The following TRAPPC12 variants were observed in gnomAD, a reference collection of about 807,000 sequenced individuals.
The protein encoded by TRAPPC12 is TPR repeat protein 15.
Under a neutral mutation model 69.2 loss-of-function variants are expected in TRAPPC12, and 61 were observed. The observed-to-expected ratio is 0.88, with a 90% CI of 0.72 to 1.09. TRAPPC12 has a LOEUF of 1.09. Among genes scored for constraint, TRAPPC12 ranks in the 50% least tolerant of loss-of-function variants. The pLI, the probability that TRAPPC12 is intolerant of heterozygous loss-of-function variation, is 0.00. For synonymous variants in TRAPPC12, 469 were observed against 438.9 expected, an observed-to-expected ratio of 1.07 and a Z score of -0.86; for missense variants, 1,101 against 1,016.4, an observed-to-expected ratio of 1.08 and a Z score of -1.13.
At chr2:3,399,968 C>T (rs968197865) in intron 2 of TRAPPC12, among the ~76,000 whole-genome samples, 2 of 152,228 alleles carry the variant, frequency 1.3e-5, no homozygotes, top group African/African-American at 4.8e-5. Context: ...GCATCAGCTT[C>T]TCTGTGGCTG....
intron 5 of TRAPPC12, among the ~76,000 whole-genome samples, chr2:3,431,767 A>G (rs1404042075): frequency 6.6e-6 from 1 of 152,224 alleles, no homozygotes; most frequent in Non-Finnish European, 1.5e-5. Context: ...ACAATTGATG[A>G]ACCAGTATTG....
Position 3,387,610 on chromosome 2 carries a change from T to C in TRAPPC12, c.-4-10T>C. 1 of 1,514,606 alleles carries C rather than the reference T, an allele frequency of 6.6e-7. No homozygotes were observed. The highest frequency in any genetic ancestry group is 1.8e-4 in the Middle Eastern group (1 of 5,698). 93.8% of individuals were successfully genotyped at this position (1,514,606 alleles called of 1,614,324 possible). A position where few individuals can be genotyped will look rare whatever the true frequency, so the allele number is the denominator to read the frequency against. On this transcript the variant is annotated splice_polypyrimidine_tract_variant and intron_variant, in intron 1 of 11. Coordinates refer to ENST00000324266, the MANE Select transcript of TRAPPC12 (RefSeq NM_016030.6). ...ACGCTCAGGGGCCTTCTCTCTGTCT[T>C]TGCTTTCAGGGTCATGGAGGACGCT... is the stretch of plus-strand genomic sequence containing the variant.
chr2:3,388,544 C>T lies in TRAPPC12; in HGVS notation c.921C>T (p.Asn307=), dbSNP rs927866269. Residue 307 remains asparagine, a synonymous_variant, in exon 2 of 12, where the codon AAC becomes AAT. Coordinates refer to ENST00000324266, the MANE Select transcript of TRAPPC12 (RefSeq NM_016030.6). ...ALSMSEMDRR[N]DAWLPGEATR... Reference sequence around the variant, plus strand: ...GCATGAGCGAGATGGACCGGAGGAACGACGCCTGGCTTCCCGGCGAGGCTA... The same window carrying T: ...GCATGAGCGAGATGGACCGGAGGAATGACGCCTGGCTTCCCGGCGAGGCTA... The T allele has an allele frequency of 1.5e-5, 24 of 1,612,968 alleles. No homozygotes were observed. Among genetic ancestry groups the T allele is most frequent in the South Asian group, 2.2e-5 (2 of 91,038 alleles).
At chr2:3,463,503 C>T (rs1219479012) in intron 8 of TRAPPC12, among the ~76,000 whole-genome samples, 2 of 151,312 alleles carry the variant, frequency 1.3e-5, no homozygotes, top group Non-Finnish European at 1.5e-5. Flanking sequence ...TGGGAAGAGC[C>T]ATGCCTAAAG....
chr2:3,473,338 T>C (rs565951807), intron 9 of TRAPPC12, among the ~76,000 whole-genome samples: 1 of 152,364 alleles, frequency 6.6e-6, no homozygotes, highest in Non-Finnish European at 1.5e-5. Flanking sequence ...TTTATTCGTT[T>C]ATGTACATTA....
chr2:3,387,754 G>T lies in TRAPPC12; in HGVS notation c.131G>T (p.Gly44Val). 6.2e-7 allele frequency: 1 copy of T among 1,611,978 alleles called. No homozygotes were observed. Among genetic ancestry groups the T allele is most frequent in the Non-Finnish European group, 8.5e-7 (1 of 1,178,946 alleles). ...ATCGATCTTGGCGGAGATGAGTTTG[G>T]ATCCGAAGAGAACGAGACCGCATCG... ...ETIDLGGDEF[G>V]SEENETASEG... Residue 44 changes from glycine (G) to valine (V), a missense_variant, in exon 2 of 12, where the codon GGA (glycine) becomes GTA (valine). Gly to Val is a moderately radical substitution (Grantham distance 109, BLOSUM62 -3). Coordinates refer to ENST00000324266, the MANE Select transcript of TRAPPC12 (RefSeq NM_016030.6).
intron 1 of TRAPPC12, among the ~76,000 whole-genome samples, chr2:3,382,953 G>T (rs1456551618): frequency 2.0e-5 from 3 of 152,078 alleles, no homozygotes; most frequent in Non-Finnish European, 4.4e-5. Context: ...TAAAATAATA[G>T]AAATAACTTA....
chr2:3,435,227 T>C (rs1663690055), intron 5 of TRAPPC12, among the ~76,000 whole-genome samples: 1 of 152,128 alleles, frequency 6.6e-6, no homozygotes, highest in South Asian at 2.1e-4. Context: ...TTGGCCAGGC[T>C]GGTCTCTAAC....
At chr2:3,469,870 A>G (rs1383987605) in intron 9 of TRAPPC12, among the ~76,000 whole-genome samples, 6 of 152,244 alleles carry the variant, frequency 3.9e-5, no homozygotes, top group African/African-American at 1.2e-4. Flanking sequence ...ACATTGTAAC[A>G]TCTGAAGTCA....
intron 3 of TRAPPC12, among the ~76,000 whole-genome samples, chr2:3,409,658 G>C (rs1435048772): frequency 6.6e-6 from 1 of 150,718 alleles, no homozygotes; most frequent in African/African-American, 2.4e-5. Flanking sequence ...GCTGAGGTGG[G>C]AGGATTGCCA....
chr2:3,387,710 G>A lies in TRAPPC12; in HGVS notation c.87G>A (p.Leu29=), dbSNP rs765570879. 1 of 1,593,622 alleles carries A rather than the reference G, an allele frequency of 6.3e-7. No homozygotes were observed. Among genetic ancestry groups the A allele is most frequent in the Non-Finnish European group, 8.5e-7 (1 of 1,170,388 alleles). ...PQLAPPEEQG[L]LFQEETIDLG... is the part of the protein sequence containing the mutation. ...TCGCGCCTCCGGAGGAGCAGGGGTTGCTCTTCCAGGAGGAAACCATCGATC... is the reference window on the plus strand; with the variant it reads ...TCGCGCCTCCGGAGGAGCAGGGGTTACTCTTCCAGGAGGAAACCATCGATC... Residue 29 remains leucine (L), a synonymous_variant, in exon 2 of 12, where the codon TTG becomes TTA. Transcript: ENST00000324266.
chr2:3,442,151 ACGTTGAGATCGGAGTATTAACAGCTAG>A (rs1664254482), intron 5 of TRAPPC12, among the ~76,000 whole-genome samples: 1 of 152,060 alleles, frequency 6.6e-6, no homozygotes, highest in African/African-American at 2.4e-5. Flanking sequence ...GCTAGTCTGT[ACGTTGAGATCGGAGTATTAACAGCTAG>A]TCTGTAAACT....
chr2:3,424,551 A>T lies in TRAPPC12; in HGVS notation c.1305A>T (p.Leu435=). The part of the protein sequence containing the change: ...LQLWFVRLAL[L]VKLGLFQNAE... ...TCTGGTTTGTCAGGCTGGCACTACT[A>T]GTGAAGTTGGGCCTTTTCCAGAATG... is the stretch of plus-strand genomic sequence containing the variant. Residue 435 remains leucine, a synonymous_variant, in exon 5 of 12, where the codon CTA becomes CTT. Coordinates refer to ENST00000324266, the MANE Select transcript of TRAPPC12 (RefSeq NM_016030.6). 6.2e-7 allele frequency: 1 copy of T among 1,613,650 alleles called. No homozygotes were observed. The highest frequency in any genetic ancestry group is 8.5e-7 in the Non-Finnish European group (1 of 1,179,908).
chr2:3,451,291 G>A (rs931713892), intron 6 of TRAPPC12, among the ~76,000 whole-genome samples: 5 of 152,176 alleles, frequency 3.3e-5, no homozygotes, highest in Non-Finnish European at 7.3e-5. Context: ...GCCATGACAT[G>A]CCCAGTGCAG....
intron 6 of TRAPPC12, among the ~76,000 whole-genome samples, chr2:3,452,653 C>T (rs1037626515): frequency 9.2e-5 from 14 of 152,240 alleles, no homozygotes; most frequent in African/African-American, 2.9e-4. Context: ...CTCCAGGCAC[C>T]TTGAAACTGC....
At chr2:3,419,894 AC>A (rs1326312680) in intron 3 of TRAPPC12, among the ~76,000 whole-genome samples, 2 of 152,158 alleles carry the variant, frequency 1.3e-5, no homozygotes, top group Non-Finnish European at 2.9e-5. Context: ...CAGCCGTGGG[AC>A]CCCTCACTGC....
Position 3,457,510 on chromosome 2 carries a change from A to G in TRAPPC12, c.1531-111A>G, listed in dbSNP as rs540816305. 3.8e-4 allele frequency: 302 copies of G among 786,522 alleles called. No individual in the cohort carries two copies. In the African/African-American group the frequency reaches 4.7e-3, roughly 12 times the overall value. The allele number at this position is 786,522 out of a possible 1,614,324, so 48.7% of individuals were successfully genotyped here. ...TAAAAGTATGTGTGAACATCCCTTG[A>G]CAAATTGTTTTCATCCAGAGAAATT... On this transcript the variant is annotated intron_variant, in intron 6 of 11. Transcript: ENST00000324266.
chr2:3,462,292 T>C (rs1334634570), intron 8 of TRAPPC12, among the ~76,000 whole-genome samples: 3 of 152,218 alleles, frequency 2.0e-5, no homozygotes, highest in African/African-American at 7.2e-5. Context: ...GAACATATTA[T>C]TGCATTTCAA....
At chr2:3,460,601 T>C (rs376759637) in intron 8 of TRAPPC12, 72 of 420,990 alleles carry the variant, frequency 1.7e-4, no homozygotes, top group African/African-American at 1.2e-3. Flanking sequence ...TAATTAAAAG[T>C]ATTGTTCATT....
Sources: gnomAD v4.1 joint callset for allele counts (sites outside exome capture counted in the v4.1 genomes callset) on GRCh38, gnomAD v4.1.1 for gene constraint, MANE v1.5 for transcripts, NCBI Gene and HGNC (gene_info 2026-07-23, HGNC 2026-07-21) for gene names.